FAM117A: variants seen among roughly 807,000 people sequenced by gnomAD.
FAM117A encodes the protein family with sequence similarity 117 member A, also known as protein FAM117A.
FAM117A carries 21 observed loss-of-function variants against 44.1 expected under a neutral mutation model. The ratio of observed to expected loss-of-function variants is 0.48; its 90% confidence interval spans 0.34 to 0.69. FAM117A has a LOEUF of 0.69. FAM117A is among the 30% of genes least tolerant of loss of function. The pLI, the probability that FAM117A is intolerant of heterozygous loss-of-function variation, is 0.01. For synonymous variants in FAM117A, 220 were observed against 238.3 expected (o/e 0.92, Z 0.71); for missense variants, 498 against 589.9 (o/e 0.84, Z 1.61).
chr17:49,738,630 G>A (rs1301059776), intron 1 of FAM117A, among the ~76,000 whole-genome samples: 2 of 152,140 alleles, frequency 1.3e-5, no homozygotes, highest in Non-Finnish European at 1.5e-5. Flanking sequence ...CCTGGCACAG[G>A]GTGCTGGCAC....
intron 1 of FAM117A, among the ~76,000 whole-genome samples, chr17:49,740,011 A>T (rs77522818): frequency 0.06 from 9,071 of 152,264 alleles, 314 homozygotes; most frequent in Admixed American, 0.1. Context: ...CAGCACACAC[A>T]GGAGATAAGA....
At chr17:49,759,514 A>T (rs1167409812) in intron 1 of FAM117A, among the ~76,000 whole-genome samples, 2 of 152,224 alleles carry the variant, frequency 1.3e-5, no homozygotes, top group African/African-American at 4.8e-5. Context: ...TGTAGCTCTT[A>T]AAGGGTTTTA....
upstream of FAM117A, among the ~76,000 whole-genome samples, chr17:49,768,491 C>G (rs2073751703): frequency 6.6e-6 from 1 of 152,138 alleles, no homozygotes; most frequent in Non-Finnish European, 1.5e-5. Context: ...GTGCTTACGT[C>G]TTTGCTCCCC....
chr17:49,767,785 T>A (rs1043076517), upstream of FAM117A, among the ~76,000 whole-genome samples: 1 of 152,090 alleles, frequency 6.6e-6, no homozygotes, highest in Non-Finnish European at 1.5e-5. Flanking sequence ...GTGCCTGTAA[T>A]CCCAGCTACT....
chr17:49,743,496 G>C (rs1184317980), intron 1 of FAM117A, among the ~76,000 whole-genome samples: 1 of 152,216 alleles, frequency 6.6e-6, no homozygotes, highest in Non-Finnish European at 1.5e-5. Flanking sequence ...CTGGGAGGCT[G>C]AGGCGGGCGG....
chr17:49,764,079 C>G lies in FAM117A; in HGVS notation c.9G>C (p.Gly3=). ...CTCCGCCTCTGCCGCCCGCTGCGGC[C>G]CCCGCCATGGCTCTCCCGGCTGCCT... MA[G]AAAGGRGGGA... The change falls in exon 1 of 8, where the codon GGG becomes GGC. Residue 3 remains glycine, a synonymous_variant. Transcript: ENST00000240364. 1 of 1,267,010 alleles carries G rather than the reference C, an allele frequency of 7.9e-7. No homozygotes were observed. Among genetic ancestry groups the G allele is most frequent in the Non-Finnish European group, 1.0e-6 (1 of 1,002,936 alleles). 78.5% of individuals were successfully genotyped at this position (1,267,010 alleles called of 1,614,324 possible). A position where few individuals can be genotyped will look rare whatever the true frequency, so the allele number is the denominator to read the frequency against.
At position 49,717,579 on chromosome 17, in the gene FAM117A, C is replaced by T; in HGVS notation, c.844G>A (p.Gly282Ser). 2 of 1,614,132 alleles carry T rather than the reference C, an allele frequency of 1.2e-6. No individual in the cohort carries two copies. Among genetic ancestry groups the T allele is most frequent in the East Asian group, 2.2e-5 (1 of 44,874 alleles). ...SMSLASPQPC[G>S]LASHEEHRGA... is the part of the protein sequence containing the mutation. Reference sequence around the variant, plus strand: ...CGATGTTCCTCATGACTGGCCAGGCCACAAGGCTGGGGAGATGCCAAGGAC... The same window carrying T: ...CGATGTTCCTCATGACTGGCCAGGCTACAAGGCTGGGGAGATGCCAAGGAC... The change falls in exon 6 of 8, where the codon GGC (glycine) becomes AGC (serine). Residue 282 changes from glycine (G) to serine (S), a missense_variant. By Grantham distance (56) the Gly-to-Ser change is moderately conservative. Transcript: ENST00000240364.
upstream of FAM117A, chr17:49,789,046 TC>T: frequency 2.3e-6 from 1 of 435,232 alleles, no homozygotes. Flanking sequence ...TTGCAACTAT[TC>T]CCGCCCTCTG....
chr17:49,764,197 A>G, upstream of FAM117A: 1 of 518,624 alleles, frequency 1.9e-6, no homozygotes, highest in Non-Finnish European at 3.1e-6. Context: ...CCCTCATCCT[A>G]GAGCTGTCAT....
intron 1 of FAM117A, among the ~76,000 whole-genome samples, chr17:49,776,562 A>C (rs1051629919): frequency 5.3e-5 from 8 of 152,156 alleles, no homozygotes; most frequent in Admixed American, 2.0e-4. Context: ...TATTCTGCGA[A>C]AGGATTATTA....
At chr17:49,719,215 C>T (rs914430002) in intron 5 of FAM117A, among the ~76,000 whole-genome samples, 4 of 151,468 alleles carry the variant, frequency 2.6e-5, no homozygotes, top group African/African-American at 4.9e-5. Flanking sequence ...GAGCTGAGAT[C>T]GCGCCACTGC....
chr17:49,788,734 T>G, upstream of FAM117A: 3 of 1,320,324 alleles, frequency 2.3e-6, no homozygotes, highest in Non-Finnish European at 3.1e-6. Context: ...GTCCGCAGGA[T>G]TGGGACTGAT....
At chr17:49,768,350 A>C (rs1305458718), upstream of FAM117A, among the ~76,000 whole-genome samples, 2 of 152,132 alleles carry the variant, frequency 1.3e-5, no homozygotes, top group African/African-American at 4.8e-5. Flanking sequence ...ACCAACAAGA[A>C]TGGGAGTTTC....
chr17:49,751,600 TAAAC>T lies in FAM117A; in HGVS notation c.196+12288_196+12291del, dbSNP rs1218845484. ...TCTCAAAAATAAATAAATAAATAAA[TAAAC>T]AAACAAGAAAGAAAGGTTTCACACA... On this transcript the variant is annotated intron_variant, in intron 1 of 7. Transcript: ENST00000240364. 4.7e-5 allele frequency among the ~76,000 whole-genome samples: 7 copies of T among 148,456 alleles called. No homozygotes were observed. The East Asian group carries it at 6.1e-4, about 13-fold the overall frequency.
chr17:49,783,524 A>G (rs1355979442), intron 1 of FAM117A, among the ~76,000 whole-genome samples: 5 of 151,962 alleles, frequency 3.3e-5, no homozygotes, highest in Non-Finnish European at 5.9e-5. Flanking sequence ...GATCTGTCCA[A>G]TAACTTCTCC....
intron 1 of FAM117A, among the ~76,000 whole-genome samples, chr17:49,776,023 C>A (rs539748532): frequency 1.3e-5 from 2 of 152,164 alleles, no homozygotes; most frequent in East Asian, 3.9e-4. Flanking sequence ...AAAAAAGCAC[C>A]ACCCCCCTCC....
intron 1 of FAM117A, among the ~76,000 whole-genome samples, chr17:49,781,622 A>G (rs1267733084): frequency 1.3e-5 from 2 of 152,236 alleles, no homozygotes; most frequent in African/African-American, 2.4e-5. Context: ...TCACACAGTG[A>G]GTATAGTTAC....
At chr17:49,727,297 A>G (rs2073564310) in intron 2 of FAM117A, among the ~76,000 whole-genome samples, 1 of 152,154 alleles carries the variant, frequency 6.6e-6, no homozygotes, top group Non-Finnish European at 1.5e-5. Context: ...AATCCCAGCT[A>G]CTTGGGAGGC....
intron 5 of FAM117A, among the ~76,000 whole-genome samples, chr17:49,718,973 CAA>C (rs747792681): frequency 2.0e-4 from 12 of 58,958 alleles, no homozygotes; most frequent in Admixed American, 2.3e-4. Context: ...CGAGACTCTC[CAA>C]AAAAAAAAAA....
Sources: allele counts gnomAD v4.1 joint callset (sites outside exome capture counted in the v4.1 genomes callset), GRCh38; gene constraint gnomAD v4.1.1; transcripts MANE v1.5; gene names NCBI Gene and HGNC (gene_info 2026-07-23, HGNC 2026-07-21).